The following MYO18B variants were observed in gnomAD, a reference collection of about 807,000 sequenced individuals.
MYO18B encodes unconventional myosin-XVIIIb.
MYO18B carries 204 observed loss-of-function variants against 273.0 expected under a neutral mutation model. The observed-to-expected ratio is 0.75, with a 90% confidence interval of 0.67 to 0.84. The LOEUF is 0.84. MYO18B is among the 40% of genes least tolerant of loss of function. The pLI, the probability that MYO18B is intolerant of heterozygous loss-of-function variation, is 0.00. For missense variants in MYO18B, 3,212 were observed against 3,287.6 expected, an observed-to-expected ratio of 0.98 and a Z score of 0.56; for synonymous variants, 1,330 against 1,305.7, an observed-to-expected ratio of 1.02 and a Z score of -0.40.
At chr22:25,779,633 T>C (rs1319016097) in intron 8 of MYO18B, among the ~76,000 whole-genome samples, 1 of 152,218 alleles carries the variant, frequency 6.6e-6, no homozygotes, top group African/African-American at 2.4e-5. Context: ...ATTGTAGGTA[T>C]GCAATGAATA....
At chr22:25,788,989 C>T (rs999770136) in intron 11 of MYO18B, among the ~76,000 whole-genome samples, 21 of 152,304 alleles carry the variant, frequency 1.4e-4, no homozygotes, top group Middle Eastern at 3.4e-3. Flanking sequence ...TGAAGTACTT[C>T]GGCAGTGCCT....
At chr22:25,897,099 A>G (rs2091823068) in intron 28 of MYO18B, 1 of 152,000 alleles carries the variant, frequency 6.6e-6, no homozygotes, top group African/African-American at 2.4e-5. Flanking sequence ...CTTAAATGTC[A>G]CTCTCTCCAG....
chr22:25,909,306 G>A (rs1225102582), intron 32 of MYO18B, among the ~76,000 whole-genome samples: 1 of 152,128 alleles, frequency 6.6e-6, no homozygotes, highest in Non-Finnish European at 1.5e-5. Flanking sequence ...TCATACCTAT[G>A]TACAGAATAC....
chr22:25,794,181 C>T (rs1371836613), intron 11 of MYO18B, among the ~76,000 whole-genome samples: 3 of 151,950 alleles, frequency 2.0e-5, no homozygotes, highest in African/African-American at 7.3e-5. Context: ...ATCCACCCAC[C>T]TCAGCCTCCC....
intron 7 of MYO18B, among the ~76,000 whole-genome samples, chr22:25,773,269 C>T (rs553361209): frequency 6.6e-6 from 1 of 152,280 alleles, no homozygotes; most frequent in East Asian, 1.9e-4. Context: ...GCCAGGCGAG[C>T]AACCCTCCCC....
At chr22:25,761,190 G>A in intron 2 of MYO18B, 59 bp downstream of exon 2, 1 of 1,592,148 alleles carries the variant, frequency 6.3e-7, no homozygotes, top group Non-Finnish European at 8.6e-7. Flanking sequence ...CGACCCTCGG[G>A]AGACAAGTCC....
chr22:25,746,555 CCA>C (rs2085784502), intron 1 of MYO18B, among the ~76,000 whole-genome samples: 1 of 152,164 alleles, frequency 6.6e-6, no homozygotes, highest in African/African-American at 2.4e-5. Flanking sequence ...TTGTGACAAC[CCA>C]AAATGTCTCT....
At chr22:25,848,411 A>T (rs1433147276) in intron 20 of MYO18B, among the ~76,000 whole-genome samples, 1 of 152,230 alleles carries the variant, frequency 6.6e-6, no homozygotes, top group African/African-American at 2.4e-5. Context: ...GGGAGGGAAC[A>T]TTAGGCAGAG....
chr22:25,817,028 T>G (rs2089043734), intron 12 of MYO18B, among the ~76,000 whole-genome samples: 2 of 152,206 alleles, frequency 1.3e-5, no homozygotes, highest in Non-Finnish European at 2.9e-5. Flanking sequence ...CCACAGTAAT[T>G]GATAGCAATT....
chr22:25,871,716 G>A (rs560505504), intron 22 of MYO18B, among the ~76,000 whole-genome samples: 1 of 152,130 alleles, frequency 6.6e-6, no homozygotes, highest in Non-Finnish European at 1.5e-5. Flanking sequence ...TGAGGGCCAT[G>A]GCATTTGTGG....
intron 12 of MYO18B, among the ~76,000 whole-genome samples, chr22:25,822,718 G>T (rs948622178): frequency 1.3e-5 from 2 of 152,240 alleles, no homozygotes; most frequent in Non-Finnish European, 2.9e-5. Flanking sequence ...TGCGTCTTAA[G>T]AGCCGAACTC....
rs772110590 is a variant in MYO18B at position 25,876,176 on chromosome 22, T to C, written c.4081-13T>C. 1 of 1,608,694 alleles carries C rather than the reference T, an allele frequency of 6.2e-7. No homozygotes were observed. The highest frequency in any genetic ancestry group is 1.1e-5 in the South Asian group (1 of 89,866). The stretch of plus-strand genomic sequence containing the variant: ...GGAAAGGACCCTCCAGTCTGTGTTC[T>C]CCTTCCCTGCAGATTCGCCGACTGG... On this transcript the variant is annotated splice_polypyrimidine_tract_variant and intron_variant, in intron 23 of 43. Coordinates refer to ENST00000335473, the MANE Select transcript of MYO18B (RefSeq NM_032608.7).
At chr22:25,947,042 T>C (rs2092720215) in intron 35 of MYO18B, among the ~76,000 whole-genome samples, 1 of 152,202 alleles carries the variant, frequency 6.6e-6, no homozygotes, top group African/African-American at 2.4e-5. Flanking sequence ...TCGAGTTTTA[T>C]AGGCAAATGC....
At chr22:25,956,988 CCAGA>C (rs1156313873) in intron 39 of MYO18B, among the ~76,000 whole-genome samples, 1 of 152,168 alleles carries the variant, frequency 6.6e-6, no homozygotes, top group Middle Eastern at 3.2e-3. Context: ...ACAGAGGTTC[CCAGA>C]CAAAGTCCAG....
At chr22:25,819,075 T>C (rs1430999256) in intron 12 of MYO18B, among the ~76,000 whole-genome samples, 1 of 152,094 alleles carries the variant, frequency 6.6e-6, no homozygotes, top group Non-Finnish European at 1.5e-5. Flanking sequence ...CTTTGGTCAC[T>C]ACCCATGTCC....
At chr22:25,921,703 TGTGTG>T (rs964354976) in intron 34 of MYO18B, among the ~76,000 whole-genome samples, 13 of 6,240 alleles carry the variant, frequency 2.1e-3, no homozygotes, top group East Asian at 0.019. Flanking sequence ...GTGTGCCTGT[TGTGTG>T]TGTGTGTGTG....
chr22:25,878,877 G>A (rs1352916965), intron 25 of MYO18B, among the ~76,000 whole-genome samples: 2 of 152,144 alleles, frequency 1.3e-5, no homozygotes, highest in Non-Finnish European at 2.9e-5. Flanking sequence ...TCCACCTCTA[G>A]GTATTTATGC....
intron 12 of MYO18B, among the ~76,000 whole-genome samples, chr22:25,817,296 TTCTC>T (rs763196966): frequency 1.3e-4 from 19 of 151,760 alleles, no homozygotes; most frequent in African/African-American, 1.9e-4. Context: ...TTCTGTCTCT[TTCTC>T]TCTCTTTCTT....
At chr22:25,840,490 C>T (rs1305856347) in intron 17 of MYO18B, among the ~76,000 whole-genome samples, 1 of 152,252 alleles carries the variant, frequency 6.6e-6, no homozygotes, top group Admixed American at 6.5e-5. Flanking sequence ...GGGCATGTCC[C>T]ACACTTGCTC....
Sources: gnomAD v4.1 joint callset for allele counts (sites outside exome capture counted in the v4.1 genomes callset) on GRCh38, gnomAD v4.1.1 for gene constraint, MANE v1.5 for transcripts, NCBI Gene and HGNC (gene_info 2026-07-23, HGNC 2026-07-21) for gene names.